Variants in URI1 observed in about 807,000 individuals in gnomAD.
URI1 encodes the protein unconventional prefoldin RPB5 interactor 1.
In URI1, 39 loss-of-function variants were observed where a neutral mutation model predicts 60.2. That is an observed-to-expected ratio of 0.65 (90% confidence interval 0.50 to 0.85). URI1 has a LOEUF of 0.85. Ranked by LOEUF, URI1 falls within the 40% of genes least tolerant of loss-of-function variation. The pLI, the probability that URI1 is intolerant of heterozygous loss-of-function variation, is 0.00. For missense variants in URI1, 691 were observed against 665.9 expected (o/e 1.04, Z -0.42); for synonymous variants, 251 against 236.8 (o/e 1.06, Z -0.55).
intron 1 of URI1, 124 bp downstream of exon 1, chr19:29,942,788 C>G (rs2055048469): frequency 1.7e-6 from 2 of 1,148,568 alleles, no homozygotes; most frequent in South Asian, 6.4e-5. Context: ...CGGGGATAAA[C>G]TTTTGTCACG....
chr19:29,924,768 G>A (rs1247651401), intron 1 of URI1, among the ~76,000 whole-genome samples: 1 of 152,358 alleles, frequency 6.6e-6, no homozygotes, highest in Non-Finnish European at 1.5e-5. Flanking sequence ...GCTCCCTAGG[G>A]CTCCCAGGAG....
chr19:29,964,443 T>C (rs2055364322), intron 1 of URI1, among the ~76,000 whole-genome samples: 1 of 151,276 alleles, frequency 6.6e-6, no homozygotes, highest in South Asian at 2.1e-4. Context: ...GGTGGTTTCT[T>C]TTGTTTTTGT....
At chr19:29,933,853 T>C (rs980978184) in intron 1 of URI1, among the ~76,000 whole-genome samples, 5 of 151,884 alleles carry the variant, frequency 3.3e-5, no homozygotes, top group African/African-American at 7.2e-5. Flanking sequence ...TTTATTTTCA[T>C]TGATTTCCTC....
At chr19:29,974,001 C>T (rs1013187761) in intron 2 of URI1, among the ~76,000 whole-genome samples, 36 of 152,144 alleles carry the variant, frequency 2.4e-4, no homozygotes, top group African/African-American at 4.8e-5. Flanking sequence ...GTTTGGTCCA[C>T]TAGTGGCTGA....
chr19:29,942,068 A>G (rs1034113742), upstream of URI1, among the ~76,000 whole-genome samples: 1 of 151,868 alleles, frequency 6.6e-6, no homozygotes, highest in African/African-American at 2.4e-5. Flanking sequence ...AAATATCGGC[A>G]TAAAATGTAA....
At position 29,982,049 on chromosome 19, in the gene URI1, A is replaced by G. The variant is rs35758293; in HGVS notation, c.153-3174A>G. Among the ~76,000 whole-genome samples the G allele has an allele frequency of 6.8e-3, 1,042 of 152,290 alleles. 5 individuals are homozygous for G. Among genetic ancestry groups the G allele is most frequent in the South Asian group, 0.016 (75 of 4,824 alleles). On this transcript the variant is annotated intron_variant, in intron 2 of 10. Coordinates refer to ENST00000392271, the MANE Select transcript of URI1 (RefSeq NM_003796.3). ...ACTATTTGGAGATCACTGTTTGACT[A>G]AGCCCTGAACATTTCCACGAATGTA... is the stretch of plus-strand genomic sequence containing the variant.
At chr19:29,975,252 A>G (rs960390417) in intron 2 of URI1, among the ~76,000 whole-genome samples, 1 of 152,136 alleles carries the variant, frequency 6.6e-6, no homozygotes, top group Non-Finnish European at 1.5e-5. Flanking sequence ...TGACTTTTTA[A>G]TAAAAACTAT....
Position 29,986,983 on chromosome 19 carries a change from G to A in URI1, c.367+566G>A, listed in dbSNP as rs76038368. Reference sequence around the variant, plus strand: ...GAGTTCTCTGCATCCCTTTATTAGGGCAGCTCTTGAGTTTTGTTTATCCGT... The same window carrying A: ...GAGTTCTCTGCATCCCTTTATTAGGACAGCTCTTGAGTTTTGTTTATCCGT... On this transcript the variant is annotated intron_variant, in intron 4 of 10. Coordinates refer to ENST00000392271, the MANE Select transcript of URI1 (RefSeq NM_003796.3). Among the ~76,000 whole-genome samples, 840 of 152,188 alleles carry A rather than the reference G, an allele frequency of 5.5e-3. 11 individuals carry two copies. Among genetic ancestry groups the A allele is most frequent in the African/African-American group, 0.019 (803 of 41,506 alleles).
rs1004107292 is a variant in URI1, at chr19:30,013,334, A to G, written c.1425+803A>G. ...AATTCCATTGCTTTTACTAAATGGT[A>G]TTATACTCAGTGTATTAAATGGTAA... On this transcript the variant is annotated intron_variant, in intron 10 of 10. Transcript: ENST00000392271. Among the ~76,000 whole-genome samples, 10 of 152,336 alleles carry G rather than the reference A, an allele frequency of 6.6e-5. No individual in the cohort carries two copies. The East Asian group carries it at 1.9e-3, about 29-fold the overall frequency.
chr19:29,971,233 T>A lies in URI1; in HGVS notation c.152+6T>A. On this transcript the variant is annotated splice_donor_region_variant and intron_variant, in intron 2 of 10. Coordinates refer to ENST00000392271, the MANE Select transcript of URI1 (RefSeq NM_003796.3). ...CAAGAGAGAATCCAGCATTGGTGAG[T>A]GAAAGATGGTTTTATTACACTTCTG... The A allele has an allele frequency of 6.2e-7, 1 of 1,612,186 alleles. No homozygotes were observed. Among genetic ancestry groups the A allele is most frequent in the East Asian group, 2.2e-5 (1 of 44,796 alleles).
intron 1 of URI1, among the ~76,000 whole-genome samples, chr19:29,955,356 G>T (rs2055232293): frequency 1.3e-5 from 2 of 152,078 alleles, no homozygotes; most frequent in South Asian, 4.1e-4. Context: ...GTGTTTTTTA[G>T]TCTCTTGATA....
At chr19:29,944,700 A>G (rs2055081875) in intron 1 of URI1, among the ~76,000 whole-genome samples, 2 of 152,204 alleles carry the variant, frequency 1.3e-5, no homozygotes, top group Admixed American at 1.3e-4. Context: ...TCGGCACACA[A>G]AATAACCACG....
upstream of URI1, chr19:29,942,125 C>G: frequency 6.4e-6 from 5 of 777,668 alleles, no homozygotes; most frequent in Non-Finnish European, 7.8e-6. Flanking sequence ...ACCGCCAGCC[C>G]CAGCCACGCG....
chr19:30,014,006 A>G lies in URI1; in HGVS notation c.1426-881A>G, dbSNP rs139168590. ...TGGTAGACAGAGGAGAACAAAATGT[A>G]CATTAAAGTTCACCTGTCAAATTTT... On this transcript the variant is annotated intron_variant, in intron 10 of 10. Coordinates refer to ENST00000392271, the MANE Select transcript of URI1 (RefSeq NM_003796.3). Among the ~76,000 whole-genome samples the G allele has an allele frequency of 4.8e-3, 735 of 152,080 alleles. 6 individuals are homozygous for G. Among genetic ancestry groups the G allele is most frequent in the African/African-American group, 0.017 (699 of 41,522 alleles).
rs188951746 is a variant in URI1, at chr19:29,986,404, G to C, written c.354G>C (p.Glu118Asp). 6.2e-7 allele frequency: 1 copy of C among 1,606,832 alleles called. No individual in the cohort carries two copies. Among genetic ancestry groups the C allele is most frequent in the Admixed American group, 1.7e-5 (1 of 57,192 alleles). Residue 118 changes from glutamate to aspartate, a missense_variant, in exon 4 of 11, where the codon GAG (glutamate) becomes GAC (aspartate). Physicochemically the swap from Glu to Asp is conservative, Grantham distance 45. Coordinates refer to ENST00000392271, the MANE Select transcript of URI1 (RefSeq NM_003796.3). Reference protein sequence around the residue: ...CSAKQAVGLVEHRKEHVRKTI... With the variant: ...CSAKQAVGLVDHRKEHVRKTI... The stretch of plus-strand genomic sequence containing the variant: ...CAAAGCAGGCTGTAGGTTTAGTTGA[G>C]CACCGGAAAGAACGTAGGTACCCAT...
chr19:29,968,565 C>CTTTTT (rs35475321), intron 1 of URI1, among the ~76,000 whole-genome samples: 33 of 74,390 alleles, frequency 4.4e-4, no homozygotes, highest in East Asian at 2.1e-3. Flanking sequence ...CTAATTTTTT[C>CTTTTT]TTTTTTTTTT....
intron 4 of URI1, among the ~76,000 whole-genome samples, chr19:29,989,692 C>T (rs959368521): frequency 7.9e-5 from 12 of 152,094 alleles, no homozygotes; most frequent in Non-Finnish European, 1.8e-4. Flanking sequence ...CCACCTTGGC[C>T]TCCCAAAGTG....
At position 30,009,058 on chromosome 19, in the gene URI1, A is replaced by G. The variant is rs752995238; in HGVS notation, c.740A>G (p.Glu247Gly). The G allele has an allele frequency of 5.0e-6, 8 of 1,613,768 alleles. No individual in the cohort carries two copies. Among genetic ancestry groups the G allele is most frequent in the Middle Eastern group, 3.3e-4 (2 of 6,060 alleles). ...NGEDTTSSEE[E>G]KEDRNTNVNA... Reference sequence around the variant, plus strand: ...GAAGATACGACATCTTCTGAAGAGGAAAAGGAAGATCGTAACACAAATGTG... The same window carrying G: ...GAAGATACGACATCTTCTGAAGAGGGAAAGGAAGATCGTAACACAAATGTG... Residue 247 changes from glutamate to glycine, a missense_variant, in exon 8 of 11, where the codon GAA becomes GGA. By Grantham distance (98) the Glu-to-Gly change is moderately conservative. Transcript: ENST00000392271.
chr19:29,928,654 G>C (rs967293791), intron 1 of URI1, among the ~76,000 whole-genome samples: 1 of 152,120 alleles, frequency 6.6e-6, no homozygotes, highest in Non-Finnish European at 1.5e-5. Flanking sequence ...GTGGGAATAG[G>C]ATTGCCAGAT....
Sources: allele counts gnomAD v4.1 joint callset (sites outside exome capture counted in the v4.1 genomes callset), GRCh38; gene constraint gnomAD v4.1.1; transcripts MANE v1.5; gene names NCBI Gene and HGNC (gene_info 2026-07-23, HGNC 2026-07-21).